Variants in SLC25A27 observed in about 807,000 individuals in gnomAD.
The protein encoded by SLC25A27 is mitochondrial uncoupling protein 4.
A neutral mutation model predicts 49.1 loss-of-function variants in SLC25A27; 35 were observed. The observed-to-expected ratio is 0.71, with a 90% CI of 0.54 to 0.95. SLC25A27 has a LOEUF of 0.95. Ranked by LOEUF, SLC25A27 falls within the 40% of genes least tolerant of loss-of-function variation. The pLI is 0.00. For missense variants in SLC25A27, 339 were observed against 397.1 expected, an observed-to-expected ratio of 0.85 and a Z score of 1.24; for synonymous variants, 144 against 136.9, an observed-to-expected ratio of 1.05 and a Z score of -0.36.
At chr6:46,665,638 A>T (rs1247720631) in intron 5 of SLC25A27, among the ~76,000 whole-genome samples, 1 of 152,132 alleles carries the variant, frequency 6.6e-6, no homozygotes, top group Non-Finnish European at 1.5e-5. Flanking sequence ...GTGAGCTGAG[A>T]TCGCGCCACT....
In SLC25A27 at chr6:46,664,846, G is replaced by C. The variant is rs932378479; in HGVS notation, c.579G>C (p.Trp193Cys). The C allele has an allele frequency of 6.2e-7, 1 of 1,606,786 alleles. No homozygotes were observed. The highest frequency in any genetic ancestry group is 1.7e-5 in the Admixed American group (1 of 59,222). The change falls in exon 5 of 9, where the codon TGG becomes TGC. Residue 193 changes from tryptophan to cysteine, a missense_variant. Trp to Cys is a radical substitution (Grantham distance 215, BLOSUM62 -2). Transcript: ENST00000371347. ...GAATACGAGGGCTTTGGGCAGGCTG[G>C]GTACCCAATATACAAAGAGCAGCAC... Reference protein sequence around the residue: ...EGGIRGLWAGWVPNIQRAALV... With the variant: ...EGGIRGLWAGCVPNIQRAALV...
At chr6:46,657,132 C>T (rs1462653899) in intron 2 of SLC25A27, among the ~76,000 whole-genome samples, 4 of 152,130 alleles carry the variant, frequency 2.6e-5, no homozygotes, top group Non-Finnish European at 5.9e-5. Flanking sequence ...TGCCACTGCT[C>T]TCCAGCCTGG....
chr6:46,678,030 T>TTATATATATATATATATATATA lies in SLC25A27; in HGVS notation c.*1590_*1611dup, dbSNP rs67622673. 236 of 100,536 alleles carry TTATATATATATATATATATATA rather than the reference T, an allele frequency of 2.3e-3. 7 individuals are homozygous for TTATATATATATATATATATATA. Among genetic ancestry groups the TTATATATATATATATATATATA allele is most frequent in the Non-Finnish European group, 3.3e-3 (162 of 48,542 alleles). 6.2% of individuals were successfully genotyped at this position (100,536 alleles called of 1,614,324 possible). A position where few individuals can be genotyped will look rare whatever the true frequency, so the allele number is the denominator to read the frequency against. ...CAATATGTAATTGCGTTGTAAAATA[T>TTATATATATATATATATATATA]TATATATATATATATATATATATAT... On this transcript the variant is annotated 3_prime_UTR_variant, in exon 9 of 9. Transcript: ENST00000371347.
At chr6:46,674,850 C>T (rs938738506) in intron 8 of SLC25A27, among the ~76,000 whole-genome samples, 1 of 152,084 alleles carries the variant, frequency 6.6e-6, no homozygotes, top group Non-Finnish European at 1.5e-5. Flanking sequence ...ACTTAATCAA[C>T]CCAAGAGAGC....
In SLC25A27 at chr6:46,669,088, G is replaced by A. The variant is rs73471176; in HGVS notation, c.704+295G>A. On this transcript the variant is annotated intron_variant, in intron 6 of 8. Coordinates refer to ENST00000371347, the MANE Select transcript of SLC25A27 (RefSeq NM_004277.5). ...CCAACTCATTTCAACAGATATGTTT[G>A]AGTGCCTTTTATGTTAAAGGCACTG... Among the ~76,000 whole-genome samples, 428 of 152,306 alleles carry A rather than the reference G, an allele frequency of 2.8e-3. 1 individual carries two copies. Among genetic ancestry groups the A allele is most frequent in the African/African-American group, 9.9e-3 (410 of 41,566 alleles).
chr6:46,657,116 T>C (rs1263864258), intron 2 of SLC25A27, among the ~76,000 whole-genome samples: 1 of 152,162 alleles, frequency 6.6e-6, no homozygotes, highest in African/African-American at 2.4e-5. Flanking sequence ...CAGTGAGCTT[T>C]GATCCTGCCA....
intron 5 of SLC25A27, among the ~76,000 whole-genome samples, chr6:46,668,272 A>T (rs918826136): frequency 6.6e-6 from 1 of 152,202 alleles, no homozygotes; most frequent in Non-Finnish European, 1.5e-5. Context: ...CAGGAGGCGG[A>T]GGTTGCAGTG....
At chr6:46,663,407 C>T (rs1448324706) in intron 4 of SLC25A27, among the ~76,000 whole-genome samples, 1 of 152,018 alleles carries the variant, frequency 6.6e-6, no homozygotes, top group East Asian at 1.9e-4. Flanking sequence ...GCCCAGGGTC[C>T]CCTTCAGCCT....
Position 46,664,735 on chromosome 6 carries a change from A to G in SLC25A27, c.507-39A>G, listed in dbSNP as rs147081788. On this transcript the variant is annotated intron_variant, in intron 4 of 8. Transcript: ENST00000371347. ...ATCCAGTTGAATTTCATACACAGGA[A>G]TACATGGAGTTTTCACATTTAATTA... 218 of 1,161,324 alleles carry G rather than the reference A, an allele frequency of 1.9e-4. 1 individual carries two copies. The African/African-American group carries it at 3.1e-3, about 17-fold the overall frequency. The allele number at this position is 1,161,324 out of a possible 1,614,324, so 71.9% of individuals were successfully genotyped here.
In SLC25A27 at chr6:46,677,506, C is replaced by A. The variant is rs1014141546; in HGVS notation, c.*1052C>A. ...AAAACTGCCAGCGGCCTGACTCTTA[C>A]TCAGTTTAGCAAAAATTCTTGCCTA... On this transcript the variant is annotated 3_prime_UTR_variant, in exon 9 of 9. Transcript: ENST00000371347. 2.0e-5 allele frequency: 3 copies of A among 152,188 alleles called. No individual in the cohort carries two copies. Among genetic ancestry groups the A allele is most frequent in the Non-Finnish European group, 4.4e-5 (3 of 68,040 alleles). 9.4% of individuals were successfully genotyped at this position (152,188 alleles called of 1,614,324 possible). A position where few individuals can be genotyped will look rare whatever the true frequency, so the allele number is the denominator to read the frequency against.
intron 5 of SLC25A27, among the ~76,000 whole-genome samples, chr6:46,666,776 C>T (rs1417873984): frequency 6.6e-6 from 1 of 151,978 alleles, no homozygotes; most frequent in Admixed American, 6.6e-5. Context: ...TCTTTCACAC[C>T]ATTCTTTCTA....
intron 5 of SLC25A27, among the ~76,000 whole-genome samples, chr6:46,665,716 T>A (rs963485410): frequency 2.6e-5 from 4 of 152,086 alleles, no homozygotes; most frequent in Admixed American, 1.3e-4. Context: ...TTTCCCCTCC[T>A]ATACGTACTA....
chr6:46,662,742 A>G (rs1021746191), intron 4 of SLC25A27, among the ~76,000 whole-genome samples: 1 of 152,230 alleles, frequency 6.6e-6, no homozygotes, highest in Non-Finnish European at 1.5e-5. Context: ...AGCCAAGGCT[A>G]GACTTGTCCC....
At position 46,677,441 on chromosome 6, in the gene SLC25A27, G is replaced by T. The variant is rs1329037370; in HGVS notation, c.*987G>T. Reference sequence around the variant, plus strand: ...TCTTATCTCCCTTACCTGACACTAGGGGCTCTAGAGAGGCAGAGAGAGCAC... The same window carrying T: ...TCTTATCTCCCTTACCTGACACTAGTGGCTCTAGAGAGGCAGAGAGAGCAC... On this transcript the variant is annotated 3_prime_UTR_variant, in exon 9 of 9. Transcript: ENST00000371347. The T allele has an allele frequency of 6.6e-6, 1 of 152,038 alleles. No homozygotes were observed. The highest frequency in any genetic ancestry group is 2.4e-5 in the African/African-American group (1 of 41,388). 9.4% of individuals were successfully genotyped at this position (152,038 alleles called of 1,614,324 possible).
At chr6:46,666,715 T>C (rs1023009269) in intron 5 of SLC25A27, among the ~76,000 whole-genome samples, 2 of 152,176 alleles carry the variant, frequency 1.3e-5, no homozygotes, top group African/African-American at 4.8e-5. Context: ...CAAACCAAAC[T>C]CTTTTATCAC....
At chr6:46,653,944 T>C in intron 1 of SLC25A27, 1 of 791,158 alleles carries the variant, frequency 1.3e-6, no homozygotes, top group South Asian at 5.8e-5. Flanking sequence ...CTGACCTTCT[T>C]ACAGGCTGCT....
intron 3 of SLC25A27, among the ~76,000 whole-genome samples, chr6:46,660,619 T>C (rs1475047961): frequency 6.6e-6 from 1 of 152,172 alleles, no homozygotes; most frequent in African/African-American, 2.4e-5. Context: ...TTATGATATA[T>C]TTATGGCATA....
intron 3 of SLC25A27, 63 bp from the exon 4 acceptor site, chr6:46,662,313 T>A (rs1266667694): frequency 2.0e-5 from 29 of 1,462,646 alleles, no homozygotes; most frequent in Non-Finnish European, 2.6e-5. Context: ...AGCTCAGTAT[T>A]GGTTCACTAT....
In SLC25A27 at chr6:46,653,044, GT is replaced by G. The variant is rs575094395; in HGVS notation, c.-148del. Reference sequence around the variant, plus strand: ...GCTGGGACTGCTAGGAAGGTTGCGGGTCCACCCGGCCGAGCCGAACGAGGGA... The same window carrying G: ...GCTGGGACTGCTAGGAAGGTTGCGGGCCACCCGGCCGAGCCGAACGAGGGA... On this transcript the variant is annotated 5_prime_UTR_variant, in exon 1 of 9. Transcript: ENST00000371347. 3.6e-3 allele frequency: 2,570 copies of G among 714,532 alleles called. 8 individuals are homozygous for G. Among genetic ancestry groups the G allele is most frequent in the Non-Finnish European group, 4.5e-3 (1,890 of 424,580 alleles). 44.3% of individuals were successfully genotyped at this position (714,532 alleles called of 1,614,324 possible). A position where few individuals can be genotyped will look rare whatever the true frequency, so the allele number is the denominator to read the frequency against.
Sources: gnomAD v4.1 joint callset for allele counts (sites outside exome capture counted in the v4.1 genomes callset) on GRCh38, gnomAD v4.1.1 for gene constraint, MANE v1.5 for transcripts, NCBI Gene and HGNC (gene_info 2026-07-23, HGNC 2026-07-21) for gene names.